Variants in SH3GL2 observed in about 807,000 individuals in gnomAD.
SH3GL2 encodes SH3 domain containing GRB2 like 2, endophilin A1, also known as endophilin-A1.
Under a neutral mutation model 46.0 loss-of-function variants are expected in SH3GL2, and 24 were observed. That is an observed-to-expected ratio of 0.52 (90% CI 0.38 to 0.73). The LOEUF (loss-of-function observed/expected upper bound fraction) is 0.73, where lower values mean the gene tolerates loss of function less well. Ranked by LOEUF, SH3GL2 falls within the 30% of genes least tolerant of loss-of-function variation. SH3GL2 has a pLI of 0.00. For synonymous variants in SH3GL2, 196 were observed against 147.1 expected, an observed-to-expected ratio of 1.33 and a Z score of -2.40; for missense variants, 413 against 424.2, an observed-to-expected ratio of 0.97 and a Z score of 0.23.
At chr9:17,701,872 CAG>C (rs1397360955) in intron 1 of SH3GL2, among the ~76,000 whole-genome samples, 17 of 152,084 alleles carry the variant, frequency 1.1e-4, no homozygotes, top group Middle Eastern at 3.4e-3. Flanking sequence ...ATAAAGGAGT[CAG>C]CTTTCTCTAA....
At chr9:17,674,868 G>A (rs996059241) in intron 1 of SH3GL2, among the ~76,000 whole-genome samples, 2 of 152,102 alleles carry the variant, frequency 1.3e-5, no homozygotes, top group Non-Finnish European at 2.9e-5. Context: ...AGAGGCCCAG[G>A]CCCGGGAAGT....
intron 6 of SH3GL2, chr9:17,789,843 C>A: frequency 2.4e-6 from 2 of 833,268 alleles, no homozygotes; most frequent in Non-Finnish European, 2.9e-6. Context: ...TGTAATTTAT[C>A]GAATAACGCA....
intron 1 of SH3GL2, among the ~76,000 whole-genome samples, chr9:17,671,499 T>C (rs886078704): frequency 3.3e-5 from 5 of 152,210 alleles, no homozygotes; most frequent in African/African-American, 1.2e-4. Context: ...TTAGATTGAT[T>C]GTATCACAGA....
At chr9:17,660,913 G>A (rs1041841392) in intron 1 of SH3GL2, among the ~76,000 whole-genome samples, 1 of 152,132 alleles carries the variant, frequency 6.6e-6, no homozygotes, top group Non-Finnish European at 1.5e-5. Flanking sequence ...TGTAATCCCA[G>A]CACTTTGGGA....
intron 2 of SH3GL2, 112 bp from the exon 3 acceptor site, chr9:17,761,325 A>G (rs1823164762): frequency 1.4e-6 from 1 of 717,322 alleles, no homozygotes; most frequent in Non-Finnish European, 2.5e-6. Flanking sequence ...CTACTGCGGG[A>G]CTTGTCCGGG....
chr9:17,710,380 C>A (rs1004874055), intron 1 of SH3GL2, among the ~76,000 whole-genome samples: 3 of 151,872 alleles, frequency 2.0e-5, no homozygotes, highest in Non-Finnish European at 4.4e-5. Flanking sequence ...AGCATGAGAA[C>A]GGACTAATAC....
chr9:17,632,544 A>C lies in SH3GL2; in HGVS notation c.45+53257A>C, dbSNP rs186355288. Among the ~76,000 whole-genome samples the C allele has an allele frequency of 2.6e-3, 400 of 152,306 alleles. 7 individuals are homozygous for C. Among genetic ancestry groups the C allele is most frequent in the South Asian group, 4.3e-3 (21 of 4,828 alleles). ...ATTTAGATTCCATCCAGTTATTTGAAATTGTAGATGATGTTATAGGGAACA... is the reference window on the plus strand; with the variant it reads ...ATTTAGATTCCATCCAGTTATTTGACATTGTAGATGATGTTATAGGGAACA... On this transcript the variant is annotated intron_variant, in intron 1 of 8. Coordinates refer to ENST00000380607, the MANE Select transcript of SH3GL2 (RefSeq NM_003026.5).
intron 1 of SH3GL2, among the ~76,000 whole-genome samples, chr9:17,619,672 C>G: frequency 6.9e-6 from 1 of 145,754 alleles, no homozygotes; most frequent in East Asian, 2.0e-4. Flanking sequence ...AGTGAAACTC[C>G]ATCTCAAAAA....
intron 1 of SH3GL2, among the ~76,000 whole-genome samples, chr9:17,713,861 G>A (rs1361692708): frequency 6.6e-6 from 1 of 151,604 alleles, no homozygotes; most frequent in Non-Finnish European, 1.5e-5. Context: ...TGTCATCGTT[G>A]GATGGAGTCT....
intron 1 of SH3GL2, among the ~76,000 whole-genome samples, chr9:17,736,063 C>CA (rs1588286455): frequency 6.6e-6 from 1 of 152,024 alleles, no homozygotes; most frequent in Non-Finnish European, 1.5e-5. Flanking sequence ...CAGCAGACCT[C>CA]ACGGCATAGG....
At chr9:17,657,874 C>G (rs1820125972) in intron 1 of SH3GL2, among the ~76,000 whole-genome samples, 1 of 152,140 alleles carries the variant, frequency 6.6e-6, no homozygotes, top group Admixed American at 6.5e-5. Flanking sequence ...GAAGTTGACC[C>G]TACCTCTCTG....
chr9:17,648,279 A>G (rs1395688519), intron 1 of SH3GL2, among the ~76,000 whole-genome samples: 1 of 152,200 alleles, frequency 6.6e-6, no homozygotes, highest in Non-Finnish European at 1.5e-5. Flanking sequence ...TGCTTGAGGG[A>G]AAAGAACATG....
At position 17,745,360 on chromosome 9, in the gene SH3GL2, T is replaced by G. The variant is rs191633148; in HGVS notation, c.46-1706T>G. On this transcript the variant is annotated intron_variant, in intron 1 of 8. Transcript: ENST00000380607. Reference sequence around the variant, plus strand: ...TGGTATGGTAAACAGATATACACTTTATTGGTGAGAGATAGGAACTAGGAT... The same window carrying G: ...TGGTATGGTAAACAGATATACACTTGATTGGTGAGAGATAGGAACTAGGAT... Among the ~76,000 whole-genome samples the G allele has an allele frequency of 1.7e-3, 252 of 152,286 alleles. 1 individual carries two copies. The highest frequency in any genetic ancestry group is 2.3e-3 in the Admixed American group (35 of 15,300).
chr9:17,680,176 A>T (rs986640469), intron 1 of SH3GL2, among the ~76,000 whole-genome samples: 1 of 151,996 alleles, frequency 6.6e-6, no homozygotes, highest in African/African-American at 2.4e-5. Flanking sequence ...CTCTTTTTCT[A>T]TTGATTCGAA....
At chr9:17,616,738 C>CT (rs970105752) in intron 1 of SH3GL2, among the ~76,000 whole-genome samples, 22 of 151,150 alleles carry the variant, frequency 1.5e-4, no homozygotes, top group East Asian at 1.9e-4. Flanking sequence ...TAGTAAGTCC[C>CT]TTTTTTTTTG....
intron 1 of SH3GL2, among the ~76,000 whole-genome samples, chr9:17,716,314 C>T (rs1453011621): frequency 2.6e-5 from 4 of 152,048 alleles, no homozygotes; most frequent in African/African-American, 9.7e-5. Context: ...TTTTCTATAA[C>T]AGTTCTTGGT....
At chr9:17,735,842 C>A in intron 1 of SH3GL2, 1 of 475,504 alleles carries the variant, frequency 2.1e-6, no homozygotes, top group Non-Finnish European at 2.8e-6. Context: ...GGACATTACT[C>A]TGCGTATATG....
intron 1 of SH3GL2, among the ~76,000 whole-genome samples, chr9:17,705,519 TCATATGTAC>T (rs1821449137): frequency 2.6e-5 from 4 of 151,968 alleles, no homozygotes; most frequent in African/African-American, 7.2e-5. Context: ...AAAATATGTA[TCATATGTAC>T]CATATTCAGG....
At chr9:17,612,220 G>A (rs1255707263) in intron 1 of SH3GL2, among the ~76,000 whole-genome samples, 1 of 152,198 alleles carries the variant, frequency 6.6e-6, no homozygotes, top group Non-Finnish European at 1.5e-5. Context: ...AAGGCACAGA[G>A]GAACAGGGAG....
Sources: allele counts gnomAD v4.1 joint callset (sites outside exome capture counted in the v4.1 genomes callset), GRCh38; gene constraint gnomAD v4.1.1; transcripts MANE v1.5; gene names NCBI Gene and HGNC (gene_info 2026-07-23, HGNC 2026-07-21).